PLCB4: variants seen among roughly 807,000 people sequenced by gnomAD.
The protein encoded by PLCB4 is phospholipase C beta 4.
A neutral mutation model predicts 178.8 loss-of-function variants in PLCB4; 77 were observed. That is an observed-to-expected ratio of 0.43 (90% confidence interval 0.36 to 0.52). The LOEUF is 0.52. Ranked by LOEUF, PLCB4 falls within the 20% of genes least tolerant of loss-of-function variation. PLCB4 has a pLI of 0.00. For synonymous variants in PLCB4, 496 were observed against 490.8 expected (o/e 1.01, Z -0.14); for missense variants, 1,024 against 1,453.4 (o/e 0.70, Z 4.80).
intron 1 of PLCB4, among the ~76,000 whole-genome samples, chr20:9,087,768 A>G (rs569564689): frequency 1.9e-4 from 29 of 152,318 alleles, no homozygotes; most frequent in African/African-American, 6.7e-4. Flanking sequence ...ACACACCCTG[A>G]TGGATTTTTT....
intron 12 of PLCB4, among the ~76,000 whole-genome samples, chr20:9,376,439 A>G (rs1189214419): frequency 6.6e-6 from 1 of 152,172 alleles, no homozygotes; most frequent in African/African-American, 2.4e-5. Context: ...ATAGGAATCC[A>G]CCACTCAGAG....
chr20:9,425,627 C>G (rs2040944576), intron 28 of PLCB4, among the ~76,000 whole-genome samples: 1 of 152,210 alleles, frequency 6.6e-6, no homozygotes, highest in South Asian at 2.1e-4. Flanking sequence ...AAATTAATCT[C>G]TTTAATATTA....
intron 2 of PLCB4, among the ~76,000 whole-genome samples, chr20:9,173,276 A>G (rs910682109): frequency 6.6e-6 from 1 of 152,232 alleles, no homozygotes. Flanking sequence ...TGTTTTGACC[A>G]TACTTTTGGT....
intron 2 of PLCB4, among the ~76,000 whole-genome samples, chr20:9,127,111 C>G (rs927930348): frequency 1.3e-5 from 2 of 152,132 alleles, no homozygotes; most frequent in Non-Finnish European, 2.9e-5. Context: ...TTTAGTAGCT[C>G]TAACCCTTTT....
At chr20:9,302,058 A>G (rs1256580778) in intron 3 of PLCB4, among the ~76,000 whole-genome samples, 1 of 152,062 alleles carries the variant, frequency 6.6e-6, no homozygotes, top group African/African-American at 2.4e-5. Flanking sequence ...AGATGATGCC[A>G]TTCTAGGAGG....
At chr20:9,131,711 C>T (rs964926731) in intron 2 of PLCB4, among the ~76,000 whole-genome samples, 7 of 152,040 alleles carry the variant, frequency 4.6e-5, no homozygotes, top group South Asian at 2.1e-4. Context: ...ATTTGGTGAC[C>T]CTGCTGAACT....
In PLCB4 at chr20:9,427,847, T is replaced by C. The variant is rs542102843; in HGVS notation, c.2524+3895T>C. 3.9e-5 allele frequency among the ~76,000 whole-genome samples: 6 copies of C among 152,280 alleles called. No individual in the cohort carries two copies. In the East Asian group the frequency reaches 1.2e-3, roughly 29 times the overall value. On this transcript the variant is annotated intron_variant, in intron 28 of 39. Transcript: ENST00000378473. ...TCCGAAATCTATGGAGCCTCAGCAT[T>C]GTATTGAAATGTCACTCCCCGCTGT...
chr20:9,391,382 G>T (rs1258209788), intron 17 of PLCB4, among the ~76,000 whole-genome samples: 1 of 152,098 alleles, frequency 6.6e-6, no homozygotes, highest in East Asian at 1.9e-4. Context: ...CTCCAAGGCA[G>T]CTAATGAAAT....
At chr20:9,382,295 G>A (rs2037209930) in intron 13 of PLCB4, among the ~76,000 whole-genome samples, 1 of 152,044 alleles carries the variant, frequency 6.6e-6, no homozygotes, top group Non-Finnish European at 1.5e-5. Context: ...CCCTCTCCAG[G>A]CAATGCCTTC....
In PLCB4 at chr20:9,393,604, C is replaced by T; in HGVS notation, c.1340C>T (p.Ala447Val). ...TCTCTCTAGCTTGAACCAGGCAGGG[C>T]TTTGCCATCCCCCAATGACCTCAAA... ...LESHPLEPGR[A>V]LPSPNDLKRK... The change falls in exon 18 of 40, where the codon GCT (alanine) becomes GTT (valine). Residue 447 changes from alanine (A) to valine (V), a missense_variant. By Grantham distance (64) the Ala-to-Val change is moderately conservative. Around this residue, in one of 7 missense-constraint regions of PLCB4, gnomAD observed 263 missense variants for 417.4 expected, o/e 0.63. Coordinates refer to ENST00000378473, the MANE Select transcript of PLCB4 (RefSeq NM_001377142.1). 1 of 1,611,256 alleles carries T rather than the reference C, an allele frequency of 6.2e-7. No individual in the cohort carries two copies. Among genetic ancestry groups the T allele is most frequent in the Non-Finnish European group, 8.5e-7 (1 of 1,177,510 alleles).
intron 10 of PLCB4, 75 bp downstream of exon 10, chr20:9,371,370 A>T (rs907550041): frequency 3.9e-6 from 3 of 769,750 alleles, no homozygotes. Flanking sequence ...GAGCTAGATT[A>T]TTTATATTAA....
At chr20:9,207,522 C>T (rs2093627552) in intron 2 of PLCB4, among the ~76,000 whole-genome samples, 1 of 152,222 alleles carries the variant, frequency 6.6e-6, no homozygotes, top group Non-Finnish European at 1.5e-5. Flanking sequence ...TGACCTATTA[C>T]TATTATACAA....
chr20:9,155,817 G>A (rs971379493), intron 2 of PLCB4, among the ~76,000 whole-genome samples: 1 of 152,142 alleles, frequency 6.6e-6, no homozygotes, highest in African/African-American at 2.4e-5. Context: ...AGTAAGACAT[G>A]TGGCATAAAC....
intron 3 of PLCB4, among the ~76,000 whole-genome samples, chr20:9,223,957 G>T (rs925562797): frequency 6.6e-6 from 1 of 152,158 alleles, no homozygotes; most frequent in Non-Finnish European, 1.5e-5. Flanking sequence ...AGATTGCATT[G>T]TGTTCCTCAG....
chr20:9,450,129 A>T (rs1241403326), intron 32 of PLCB4, among the ~76,000 whole-genome samples: 1 of 152,248 alleles, frequency 6.6e-6, no homozygotes, highest in South Asian at 2.1e-4. Flanking sequence ...AAAATGTCCC[A>T]GTTAAGATTT....
intron 2 of PLCB4, among the ~76,000 whole-genome samples, chr20:9,133,570 A>C (rs1339611954): frequency 2.0e-5 from 3 of 152,098 alleles, no homozygotes; most frequent in African/African-American, 7.2e-5. Flanking sequence ...CCCAGTCTGC[A>C]ATTACTTTTT....
rs561469897 is a variant in PLCB4, at chr20:9,406,103, CAG to C, written c.1647+756_1647+757del. On this transcript the variant is annotated intron_variant, in intron 21 of 39. Transcript: ENST00000378473. The stretch of plus-strand genomic sequence containing the variant: ...TTTCATAATTCATAATTTGGGTCAA[CAG>C]TATACAGATTGACATTTGGTCATTG... Among the ~76,000 whole-genome samples, 460 of 152,280 alleles carry C rather than the reference CAG, an allele frequency of 3.0e-3. 1 individual carries two copies. The highest frequency in any genetic ancestry group is 0.011 in the African/African-American group (446 of 41,556).
chr20:9,256,945 G>A (rs1236023581), intron 3 of PLCB4, among the ~76,000 whole-genome samples: 2 of 152,138 alleles, frequency 1.3e-5, no homozygotes, highest in Non-Finnish European at 2.9e-5. Context: ...AAGGCAACTT[G>A]CACATTGAGG....
chr20:9,088,178 CTTTTTTTT>C (rs10554943), intron 1 of PLCB4, among the ~76,000 whole-genome samples: 18,923 of 99,248 alleles, frequency 0.19, 1,279 homozygotes, highest in Middle Eastern at 0.29. Flanking sequence ...CTTTTCTTTT[CTTTTTTTT>C]TTTTTTTTTT....
Sources: allele counts gnomAD v4.1 joint callset (sites outside exome capture counted in the v4.1 genomes callset), GRCh38; gene constraint gnomAD v4.1.1; regional missense constraint gnomAD v4.1.1; transcripts MANE v1.5; gene names NCBI Gene and HGNC (gene_info 2026-07-23, HGNC 2026-07-21).